Variants in DIAPH2 observed in about 807,000 individuals in gnomAD.
DIAPH2 encodes diaphanous related formin 2.
DIAPH2 carries 35 observed loss-of-function variants against 92.7 expected under a neutral mutation model. The ratio of observed to expected loss-of-function variants is 0.38; its 90% CI spans 0.29 to 0.50. DIAPH2 has a LOEUF of 0.50. DIAPH2 is among the 20% of genes least tolerant of loss of function. DIAPH2 has a pLI of 0.94. For synonymous variants in DIAPH2, 301 were observed against 280.4 expected, an observed-to-expected ratio of 1.07 and a Z score of -0.73; for missense variants, 701 against 819.5, an observed-to-expected ratio of 0.86 and a Z score of 1.77.
At chrX:97,540,265 G>A (rs955073267) in intron 26 of DIAPH2, among the ~76,000 whole-genome samples, 2 of 111,817 alleles carry the variant, frequency 1.8e-5, no homozygotes, top group African/African-American at 6.5e-5. Context: ...TTAAGGCTTA[G>A]ATGAATGGAC....
intron 22 of DIAPH2, among the ~76,000 whole-genome samples, chrX:97,237,808 C>T (rs2068060832): frequency 9.0e-6 from 1 of 111,037 alleles, no homozygotes; most frequent in South Asian, 3.8e-4. Context: ...GTCTCCATCT[C>T]CTGACCTCGT....
At chrX:97,583,708 C>T (rs1260423769) in intron 26 of DIAPH2, among the ~76,000 whole-genome samples, 1 of 110,984 alleles carries the variant, frequency 9.0e-6, no homozygotes, top group African/African-American at 3.3e-5. Context: ...CCACCCAGTT[C>T]GAGCTTCCTG....
intron 22 of DIAPH2, among the ~76,000 whole-genome samples, chrX:97,157,026 G>A (rs5921471): frequency 0.033 from 3,651 of 111,313 alleles, 55 homozygotes; most frequent in Non-Finnish European, 0.044. Flanking sequence ...AATTAATAAT[G>A]TTTACTGGCC....
intron 4 of DIAPH2, among the ~76,000 whole-genome samples, chrX:96,835,229 A>T (rs1395193256): frequency 8.9e-6 from 1 of 112,007 alleles, no homozygotes; most frequent in African/African-American, 3.2e-5. Flanking sequence ...TCAGCAAATA[A>T]GGGAATAACA....
At position 97,505,992 on chromosome X, in the gene DIAPH2, T is replaced by C. The variant is rs755267628; in HGVS notation, c.3241+76247T>C. ...ACCAACCTTGCAAGAATTCAAGATT[T>C]GTCATAGCTACAATACTTTTTCCAC... On this transcript the variant is annotated intron_variant, in intron 26 of 26. Transcript: ENST00000324765. Among the ~76,000 whole-genome samples the C allele has an allele frequency of 3.6e-5, 4 of 110,464 alleles. No individual in the cohort carries two copies. The East Asian group carries it at 8.5e-4, about 23-fold the overall frequency.
intron 23 of DIAPH2, among the ~76,000 whole-genome samples, chrX:97,266,281 A>G (rs2068335992): frequency 8.9e-6 from 1 of 112,357 alleles, no homozygotes; most frequent in African/African-American, 3.2e-5. Context: ...ATCACAAGAA[A>G]GCTTCGTCCA....
intron 17 of DIAPH2, among the ~76,000 whole-genome samples, chrX:97,005,367 G>T (rs2066173360): frequency 9.6e-6 from 1 of 103,951 alleles, no homozygotes. Context: ...GAGTATGATT[G>T]GTATGAATTC....
In DIAPH2 at chrX:96,941,893, C is replaced by G. The variant is rs774733742; in HGVS notation, c.1326-125C>G. The G allele has an allele frequency of 1.1e-5, 5 of 456,991 alleles. No individual in the cohort carries two copies. In the South Asian group the frequency reaches 1.7e-4, roughly 15 times the overall value. 37.7% of individuals were successfully genotyped at this position (456,991 alleles called of 1,213,427 possible). ...TGCTTGTCCTAAGAAAGTGTAGTGG[C>G]TGCAGGATTTTTTAAAACAACTCCA... On this transcript the variant is annotated intron_variant, in intron 12 of 26. Transcript: ENST00000324765.
chrX:97,352,680 T>C (rs745685558), intron 24 of DIAPH2, among the ~76,000 whole-genome samples: 73 of 107,309 alleles, frequency 6.8e-4, no homozygotes, highest in Middle Eastern at 9.6e-3. Context: ...CCATCCTGGC[T>C]AACACGGTGA....
At chrX:97,003,262 T>A (rs1361611388) in intron 17 of DIAPH2, among the ~76,000 whole-genome samples, 1 of 112,089 alleles carries the variant, frequency 8.9e-6, no homozygotes, top group Non-Finnish European at 1.9e-5. Context: ...GCAACAAACA[T>A]AGGAGTGCAG....
chrX:96,732,502 C>T (rs761813771), intron 1 of DIAPH2, among the ~76,000 whole-genome samples: 5 of 111,622 alleles, frequency 4.5e-5, no homozygotes, highest in South Asian at 3.7e-4. Context: ...AGAAAATATT[C>T]GTATTAAATG....
At chrX:97,197,419 C>T (rs1356516985) in intron 22 of DIAPH2, among the ~76,000 whole-genome samples, 2 of 111,701 alleles carry the variant, frequency 1.8e-5, no homozygotes, top group East Asian at 5.6e-4. Context: ...CTATATATGC[C>T]TCATTTTAAG....
At chrX:97,257,001 GAAA>G (rs5903072) in intron 23 of DIAPH2, among the ~76,000 whole-genome samples, 3 of 97,139 alleles carry the variant, frequency 3.1e-5, no homozygotes, top group African/African-American at 1.1e-4. Flanking sequence ...GATGAAGACT[GAAA>G]AAAAAAAAAA....
At chrX:96,933,540 GTA>G (rs1323870996) in intron 10 of DIAPH2, among the ~76,000 whole-genome samples, 2 of 101,507 alleles carry the variant, frequency 2.0e-5, no homozygotes, top group East Asian at 3.0e-4. Flanking sequence ...GTATATATGT[GTA>G]TATATATATG....
intron 22 of DIAPH2, among the ~76,000 whole-genome samples, chrX:97,154,176 A>G (rs902672009): frequency 1.8e-5 from 2 of 111,320 alleles, no homozygotes; most frequent in African/African-American, 6.5e-5. Flanking sequence ...AACCACTATC[A>G]TTTATAAAGG....
rs754712951 is a variant in DIAPH2, at chrX:96,890,259, C to A, written c.587+8541C>A. ...GATATGTAAATGGGATTGGAGCCTT[C>A]CAGCTCTAAGCCTCTGTGTTCTGTA... On this transcript the variant is annotated intron_variant, in intron 5 of 26. Coordinates refer to ENST00000324765, the MANE Select transcript of DIAPH2 (RefSeq NM_006729.5). Among the ~76,000 whole-genome samples, 5 of 111,923 alleles carry A rather than the reference C, an allele frequency of 4.5e-5. No individual in the cohort carries two copies. In the East Asian group the frequency reaches 1.4e-3, roughly 31 times the overall value.
intron 4 of DIAPH2, among the ~76,000 whole-genome samples, chrX:96,777,513 G>A (rs768786709): frequency 4.3e-4 from 48 of 110,680 alleles, no homozygotes; most frequent in African/African-American, 1.4e-3. Flanking sequence ...ATTTTGGGAT[G>A]GGGGGGTTCT....
intron 3 of DIAPH2, among the ~76,000 whole-genome samples, chrX:96,749,145 A>AAAAAAT (rs1252042191): frequency 6.5e-4 from 52 of 79,827 alleles, no homozygotes; most frequent in African/African-American, 2.7e-3. Context: ...AAAAAAAAAA[A>AAAAAAT]ATATATATAT....
At chrX:97,463,820 G>T (rs1283935805) in intron 26 of DIAPH2, among the ~76,000 whole-genome samples, 4 of 111,550 alleles carry the variant, frequency 3.6e-5, no homozygotes, top group Admixed American at 1.9e-4. Context: ...GTAACTCCAG[G>T]GTCTGTGATG....
Sources: gnomAD v4.1 joint callset for allele counts (sites outside exome capture counted in the v4.1 genomes callset) on GRCh38, gnomAD v4.1.1 for gene constraint, MANE v1.5 for transcripts, NCBI Gene and HGNC (gene_info 2026-07-23, HGNC 2026-07-21) for gene names.